The following FRMPD2 variants were observed in gnomAD, a reference collection of about 807,000 sequenced individuals.
FRMPD2 encodes the protein FERM and PDZ domain containing 2.
In FRMPD2, 96 loss-of-function variants were observed where a neutral mutation model predicts 140.1. That is an observed-to-expected ratio of 0.69 (90% CI 0.58 to 0.81). The LOEUF (loss-of-function observed/expected upper bound fraction) is 0.81, where lower values mean the gene tolerates loss of function less well. Ranked by LOEUF, FRMPD2 falls within the 40% of genes least tolerant of loss-of-function variation. The pLI is 0.00. For synonymous variants in FRMPD2, 449 were observed against 547.6 expected (o/e 0.82, Z 2.52); for missense variants, 1,240 against 1,447.4 (o/e 0.86, Z 2.32).
chr10:48,259,900 A>G lies in FRMPD2; in HGVS notation c.26-8209T>C, dbSNP rs74130216. Among the ~76,000 whole-genome samples the G allele has an allele frequency of 6.0e-3, 909 of 152,298 alleles. 8 individuals are homozygous for G. Among genetic ancestry groups the G allele is most frequent in the South Asian group, 0.025 (119 of 4,830 alleles). On this transcript the variant is annotated intron_variant, in intron 1 of 28. Transcript: ENST00000374201. ...AAAAGGTAAAGACAAGAAGGGAGAGAAAAACAAGAACAACAGAAAAAATTG... is the reference window on the plus strand; with the variant it reads ...AAAAGGTAAAGACAAGAAGGGAGAGGAAAACAAGAACAACAGAAAAAATTG...
chr10:48,244,031 C>T (rs953031786), intron 4 of FRMPD2, among the ~76,000 whole-genome samples: 1 of 152,222 alleles, frequency 6.6e-6, no homozygotes, highest in Admixed American at 6.5e-5. Flanking sequence ...GGCTGGAGTG[C>T]AGTGGTTTGA....
At chr10:48,242,697 CT>C (rs1417554990) in intron 4 of FRMPD2, among the ~76,000 whole-genome samples, 2 of 152,236 alleles carry the variant, frequency 1.3e-5, no homozygotes, top group African/African-American at 2.4e-5. Context: ...AGAGGTCAGC[CT>C]TTCACTCAAG....
chr10:48,255,476 C>T (rs1002905615), intron 1 of FRMPD2, among the ~76,000 whole-genome samples: 9 of 152,174 alleles, frequency 5.9e-5, no homozygotes, highest in Non-Finnish European at 1.2e-4. Context: ...TACAGCCTTC[C>T]CTCAGCCATT....
At chr10:48,178,876 G>C (rs540854434) in intron 21 of FRMPD2, 1 of 152,406 alleles carries the variant, frequency 6.6e-6, no homozygotes, top group Non-Finnish European at 1.5e-5. Context: ...TCCCAGCTCT[G>C]TCCCCTGCTC....
chr10:48,222,322 G>A lies in FRMPD2; in HGVS notation c.1446C>T (p.Tyr482=). 1.2e-6 allele frequency: 2 copies of A among 1,613,976 alleles called. No homozygotes were observed. Among genetic ancestry groups the A allele is most frequent in the Non-Finnish European group, 1.7e-6 (2 of 1,179,934 alleles). The change falls in exon 12 of 29, where the codon TAC becomes TAT. Residue 482 remains tyrosine, a synonymous_variant. Transcript: ENST00000374201. Reference sequence around the variant, plus strand: ...TGGTGTTCACCCCTACCTCCTTAGGGTAATTGCCAAACTCAGCCTGCAAGG... The same window carrying A: ...TGGTGTTCACCCCTACCTCCTTAGGATAATTGCCAAACTCAGCCTGCAAGG... The part of the protein sequence containing the change: ...VLALQAEFGN[Y]PKEQVESKPY...
intron 12 of FRMPD2, among the ~76,000 whole-genome samples, chr10:48,216,295 G>GATAGAT (rs757477735): frequency 8.4e-5 from 12 of 143,134 alleles, no homozygotes; most frequent in Non-Finnish European, 1.4e-4. Flanking sequence ...ATGATGGATA[G>GATAGAT]ATAGATAGAT....
At chr10:48,249,722 G>A (rs1180363253) in intron 2 of FRMPD2, among the ~76,000 whole-genome samples, 1 of 152,210 alleles carries the variant, frequency 6.6e-6, no homozygotes, top group Admixed American at 6.5e-5. Flanking sequence ...GTTGACACCT[G>A]AGTGTGGGTA....
chr10:48,184,512 T>C, intron 20 of FRMPD2, 54 bp downstream of exon 20: 2 of 1,057,608 alleles, frequency 1.9e-6, no homozygotes, highest in Admixed American at 3.5e-5. Flanking sequence ...AGTAATCATG[T>C]ACTCCTGAAA....
intron 15 of FRMPD2, among the ~76,000 whole-genome samples, chr10:48,193,602 G>A (rs1436009465): frequency 1.3e-5 from 2 of 152,198 alleles, no homozygotes; most frequent in Non-Finnish European, 2.9e-5. Context: ...GAGCTTTTAA[G>A]TTAATGAGGC....
At chr10:48,221,285 A>T (rs1839581560) in intron 12 of FRMPD2, among the ~76,000 whole-genome samples, 1 of 152,242 alleles carries the variant, frequency 6.6e-6, no homozygotes, top group Admixed American at 6.5e-5. Flanking sequence ...TGGCATTCAC[A>T]GCAGCCTAGG....
intron 12 of FRMPD2, among the ~76,000 whole-genome samples, chr10:48,218,681 C>G (rs1839510053): frequency 6.6e-6 from 1 of 152,174 alleles, no homozygotes; most frequent in Non-Finnish European, 1.5e-5. Context: ...GAGAGACTCT[C>G]TCTCTTGCAC....
chr10:48,196,109 G>T (rs186360816), intron 15 of FRMPD2, among the ~76,000 whole-genome samples: 134 of 152,304 alleles, frequency 8.8e-4, no homozygotes, highest in African/African-American at 3.1e-3. Flanking sequence ...TGCAGGCAGA[G>T]GGTATGCTGG....
In FRMPD2 at chr10:48,236,465, T is replaced by G; in HGVS notation, c.993+17A>C. On this transcript the variant is annotated intron_variant, in intron 9 of 28. Coordinates refer to ENST00000374201, the MANE Select transcript of FRMPD2 (RefSeq NM_001018071.4). The stretch of plus-strand genomic sequence containing the variant: ...CTCGCCACCCTCCATCCCTGCCCAG[T>G]CTAGCCCAGTAGTTACCACAACCGA... The G allele has an allele frequency of 6.2e-7, 1 of 1,613,242 alleles. No individual in the cohort carries two copies.
chr10:48,207,084 C>T (rs1839217935), intron 13 of FRMPD2, 151 bp from the exon 14 acceptor site: 1 of 650,418 alleles, frequency 1.5e-6, no homozygotes, highest in Admixed American at 3.2e-5. Flanking sequence ...CTGGGTCAAA[C>T]AGATTTATTT....
At chr10:48,258,666 C>T (rs1038264210) in intron 1 of FRMPD2, among the ~76,000 whole-genome samples, 13 of 149,676 alleles carry the variant, frequency 8.7e-5, no homozygotes, top group East Asian at 1.9e-4. Context: ...AAATATTTTT[C>T]GGCATTCAGA....
upstream of FRMPD2, chr10:48,274,797 T>G (rs1840826042): frequency 7.6e-6 from 4 of 526,162 alleles, no homozygotes; most frequent in African/African-American, 5.8e-5. Context: ...GTCTCTGGCC[T>G]GTTAGCAGGC....
intron 10 of FRMPD2, among the ~76,000 whole-genome samples, chr10:48,227,083 T>C (rs545405464): frequency 1.3e-5 from 2 of 152,234 alleles, no homozygotes; most frequent in Non-Finnish European, 2.9e-5. Context: ...CTATGGATAG[T>C]GCCTAGCTAA....
chr10:48,272,630 G>T (rs995753242), intron 1 of FRMPD2, among the ~76,000 whole-genome samples: 3 of 152,170 alleles, frequency 2.0e-5, no homozygotes, highest in Admixed American at 6.5e-5. Flanking sequence ...ACAAAAATTG[G>T]CAAAAGCTAC....
At chr10:48,231,038 GTTT>G (rs1839837310) in intron 10 of FRMPD2, among the ~76,000 whole-genome samples, 1 of 152,192 alleles carries the variant, frequency 6.6e-6, no homozygotes, top group African/African-American at 2.4e-5. Flanking sequence ...GCTGAAAGAT[GTTT>G]TTACATCAAC....
Sources: allele counts gnomAD v4.1 joint callset (sites outside exome capture counted in the v4.1 genomes callset), GRCh38; gene constraint gnomAD v4.1.1; transcripts MANE v1.5; gene names NCBI Gene and HGNC (gene_info 2026-07-23, HGNC 2026-07-21).